Variants in ZDHHC7 observed in about 807,000 individuals in gnomAD.
The protein encoded by ZDHHC7 is zDHHC palmitoyltransferase 7.
In ZDHHC7, 12 loss-of-function variants were observed where a neutral mutation model predicts 34.1. The observed-to-expected ratio is 0.35, with a 90% confidence interval of 0.23 to 0.57. ZDHHC7 has a LOEUF of 0.57. ZDHHC7 is among the 20% of genes least tolerant of loss of function. The pLI is 0.84. For missense variants in ZDHHC7, 388 were observed against 402.7 expected, an observed-to-expected ratio of 0.96 and a Z score of 0.31; for synonymous variants, 185 against 155.4, an observed-to-expected ratio of 1.19 and a Z score of -1.42.
Position 84,977,149 on chromosome 16 carries a change from A to G in ZDHHC7, c.696T>C (p.Thr232=). The change falls in exon 7 of 8, where the codon ACT becomes ACC. Residue 232 remains threonine (T), a synonymous_variant. Transcript: ENST00000313732. ...FLCLEGLLFF[T]FTAVMFGTQI... ...GGGTGCCAAACATAACTGCAGTGAA[A>G]GTGAAAAACAGAAGACCCTCAAGGC... 6.2e-7 allele frequency: 1 copy of G among 1,614,230 alleles called. No individual in the cohort carries two copies. Among genetic ancestry groups the G allele is most frequent in the South Asian group, 1.1e-5 (1 of 91,090 alleles).
intron 1 of ZDHHC7, among the ~76,000 whole-genome samples, chr16:85,009,645 A>G (rs2072762242): frequency 6.6e-6 from 1 of 151,870 alleles, no homozygotes; most frequent in Admixed American, 6.6e-5. Flanking sequence ...TTAATATTTC[A>G]GTTCCATTCC....
chr16:84,981,765 T>C, intron 4 of ZDHHC7, 105 bp downstream of exon 4: 5 of 1,586,760 alleles, frequency 3.2e-6, no homozygotes, highest in Non-Finnish European at 4.3e-6. Flanking sequence ...GCCCAGATGC[T>C]CGGGGGCCAT....
intron 5 of ZDHHC7, 129 bp downstream of exon 5, chr16:84,979,060 A>T: frequency 4.6e-6 from 4 of 865,302 alleles, no homozygotes; most frequent in Non-Finnish European, 6.9e-6. Flanking sequence ...ACAGTATTAT[A>T]ATTTGAATCC....
the ZDHHC7 span, among the ~76,000 whole-genome samples, chr16:85,018,029 G>A: frequency 6.6e-6 from 1 of 152,052 alleles, no homozygotes; most frequent in East Asian, 1.9e-4. Context: ...TGTGTGTTTA[G>A]GATATTAATG....
chr16:84,986,031 A>G (rs1019888634), intron 3 of ZDHHC7, among the ~76,000 whole-genome samples: 2 of 151,870 alleles, frequency 1.3e-5, no homozygotes, highest in African/African-American at 4.8e-5. Flanking sequence ...GTATAAATAC[A>G]TTGCTTTACA....
chr16:84,991,371 C>T (rs1290369713), intron 2 of ZDHHC7, among the ~76,000 whole-genome samples: 3 of 152,126 alleles, frequency 2.0e-5, no homozygotes, highest in African/African-American at 4.8e-5. Context: ...CTGCAACCTC[C>T]GTCTCCCAGG....
At chr16:85,009,695 T>A (rs2072762914) in intron 1 of ZDHHC7, among the ~76,000 whole-genome samples, 2 of 148,860 alleles carry the variant, frequency 1.3e-5, no homozygotes, top group African/African-American at 2.5e-5. Flanking sequence ...TTTAACCAAG[T>A]TCTGACTTTT....
chr16:85,007,414 C>T (rs1251909103), intron 1 of ZDHHC7, among the ~76,000 whole-genome samples: 2 of 132,036 alleles, frequency 1.5e-5, no homozygotes, highest in East Asian at 2.3e-4. Context: ...CAGAGCGATA[C>T]TCCATCTCAA....
chr16:85,023,605 C>G, the ZDHHC7 span, among the ~76,000 whole-genome samples: 4 of 152,032 alleles, frequency 2.6e-5, no homozygotes, highest in Admixed American at 2.6e-4. Context: ...TGGACTCATC[C>G]TCTATTCAAA....
chr16:84,980,786 C>A (rs2072357993), intron 4 of ZDHHC7, among the ~76,000 whole-genome samples: 1 of 152,178 alleles, frequency 6.6e-6, no homozygotes, highest in East Asian at 1.9e-4. Context: ...TTTGAACATT[C>A]CCACCATCCC....
chr16:84,978,030 G>A lies in ZDHHC7; in HGVS notation c.538-25C>T, dbSNP rs368969621. 3.2e-6 allele frequency: 5 copies of A among 1,566,310 alleles called. 1 individual carries two copies. The highest frequency in any genetic ancestry group is 2.3e-5 in the East Asian group (1 of 44,230). On this transcript the variant is annotated intron_variant, in intron 5 of 7. Transcript: ENST00000313732. ...TCTAGAATGAGGGGGAGATTGGTTA[G>A]TCACTTTTATTTTTTATTTTTTTTA...
chr16:84,980,164 A>G (rs1439508737), intron 4 of ZDHHC7, among the ~76,000 whole-genome samples: 1 of 150,352 alleles, frequency 6.7e-6, no homozygotes, highest in Non-Finnish European at 1.5e-5. Flanking sequence ...TGGGGGTTTC[A>G]TCGTGTTAGC....
At position 84,975,577 on chromosome 16, in the gene ZDHHC7, A is replaced by G. The variant is rs1211635219; in HGVS notation, c.*766T>C. The G allele has an allele frequency of 6.6e-6, 1 of 152,670 alleles. No homozygotes were observed. The highest frequency in any genetic ancestry group is 1.5e-5 in the Non-Finnish European group (1 of 68,058). The allele number at this position is 152,670 out of a possible 1,614,324, so 9.5% of individuals were successfully genotyped here. The stretch of plus-strand genomic sequence containing the variant: ...GATCGAGATGTCCTCCAACAGCAAT[A>G]CATTCATAGTAACCACGGGCAGGAC... On this transcript the variant is annotated 3_prime_UTR_variant, in exon 8 of 8. Transcript: ENST00000313732.
chr16:85,017,166 G>A, the ZDHHC7 span, among the ~76,000 whole-genome samples: 41 of 152,244 alleles, frequency 2.7e-4, no homozygotes, highest in African/African-American at 9.1e-4. Context: ...AAAAATTTAT[G>A]TAAAAATGTA....
At chr16:85,025,420 T>G in the ZDHHC7 span, among the ~76,000 whole-genome samples, 3 of 111,884 alleles carry the variant, frequency 2.7e-5, no homozygotes, top group South Asian at 2.8e-4. Context: ...ATTCCTTTTT[T>G]GGGGGGGGGG....
intron 1 of ZDHHC7, among the ~76,000 whole-genome samples, chr16:84,998,105 TAAA>T (rs11439965): frequency 7.4e-6 from 1 of 134,430 alleles, no homozygotes; most frequent in Non-Finnish European, 1.6e-5. Context: ...CTACTAAAAA[TAAA>T]AAAAAATTAG....
chr16:84,982,983 G>A (rs552960550), intron 3 of ZDHHC7, among the ~76,000 whole-genome samples: 1 of 152,216 alleles, frequency 6.6e-6, no homozygotes, highest in South Asian at 2.1e-4. Flanking sequence ...TTTGTTCTTT[G>A]GGCAGTGGAG....
At chr16:84,997,418 A>G (rs543371836) in intron 1 of ZDHHC7, among the ~76,000 whole-genome samples, 4 of 150,524 alleles carry the variant, frequency 2.7e-5, no homozygotes, top group East Asian at 2.1e-4. Flanking sequence ...ACAGGCGCCC[A>G]CCACCACACC....
rs180931517 is a variant in ZDHHC7, at chr16:84,988,667, G to A, written c.315+1637C>T. 37 of 1,042,174 alleles carry A rather than the reference G, an allele frequency of 3.6e-5. No homozygotes were observed. The Admixed American group carries it at 3.8e-4, about 11-fold the overall frequency. 64.6% of individuals were successfully genotyped at this position (1,042,174 alleles called of 1,614,324 possible). A position where few individuals can be genotyped will look rare whatever the true frequency, so the allele number is the denominator to read the frequency against. The stretch of plus-strand genomic sequence containing the variant: ...GTAGCTGTAGAGTCTGAGCGCAGAG[G>A]AGGAAGGGGCAAGTGCGCTTGTCAG... On this transcript the variant is annotated intron_variant, in intron 3 of 7. Coordinates refer to ENST00000313732, the MANE Select transcript of ZDHHC7 (RefSeq NM_017740.3).
Sources: allele counts gnomAD v4.1 joint callset (sites outside exome capture counted in the v4.1 genomes callset), GRCh38; gene constraint gnomAD v4.1.1; transcripts MANE v1.5; gene names NCBI Gene and HGNC (gene_info 2026-07-23, HGNC 2026-07-21).